SUGCT: variants seen among roughly 807,000 people sequenced by gnomAD.
SUGCT encodes the protein succinyl-CoA:glutarate-CoA transferase, also known as succinyl-CoA:glutarate CoA-transferase.
Under a neutral mutation model 55.0 loss-of-function variants are expected in SUGCT, and 41 were observed. The ratio of observed to expected loss-of-function variants is 0.74; its 90% CI spans 0.58 to 0.97. The LOEUF is 0.97. SUGCT is among the 50% of genes least tolerant of loss of function. SUGCT has a pLI of 0.00. For missense variants in SUGCT, 568 were observed against 547.8 expected, an observed-to-expected ratio of 1.04 and a Z score of -0.37; for synonymous variants, 187 against 200.4, an observed-to-expected ratio of 0.93 and a Z score of 0.56.
chr7:40,467,204 G>GAAAAAAAAAAAAAAAAAAAAAAAAAAAA (rs762283927), intron 11 of SUGCT, among the ~76,000 whole-genome samples: 1 of 83,622 alleles, frequency 1.2e-5, no homozygotes, highest in African/African-American at 4.3e-5. Context: ...CTAAGAAAAA[G>GAAAAAAAAAAAAAAAAAAAAAAAAAAAA]AAAAAAAAAA....
intron 8 of SUGCT, among the ~76,000 whole-genome samples, chr7:40,282,382 C>T (rs183349708): frequency 5.2e-4 from 79 of 152,036 alleles, no homozygotes; most frequent in African/African-American, 1.6e-3. Flanking sequence ...GCACAAGAAT[C>T]GCTTGAACCC....
At chr7:40,296,102 G>C (rs1794128065) in intron 8 of SUGCT, among the ~76,000 whole-genome samples, 1 of 152,172 alleles carries the variant, frequency 6.6e-6, no homozygotes, top group South Asian at 2.1e-4. Context: ...TAGTTTGGAT[G>C]CCTTAAGTTA....
intron 1 of SUGCT, among the ~76,000 whole-genome samples, chr7:40,139,172 A>AATC (rs1562788711): frequency 3.3e-4 from 45 of 135,774 alleles, no homozygotes; most frequent in Middle Eastern, 3.8e-3. Context: ...ATAAATAAAT[A>AATC]AATAAATCCA....
intron 6 of SUGCT, among the ~76,000 whole-genome samples, chr7:40,218,881 G>A (rs867105569): frequency 2.0e-5 from 3 of 152,176 alleles, no homozygotes; most frequent in African/African-American, 7.2e-5. Context: ...GCAGCATGTG[G>A]GTGGGGCCAA....
intron 12 of SUGCT, among the ~76,000 whole-genome samples, chr7:40,682,968 T>C (rs147945166): frequency 1.4e-3 from 217 of 152,326 alleles, no homozygotes; most frequent in African/African-American, 5.1e-3. Context: ...TTTGTTGCTG[T>C]TCTTTCACAA....
At chr7:40,768,733 T>G (rs1244300210) in intron 13 of SUGCT, among the ~76,000 whole-genome samples, 1 of 152,252 alleles carries the variant, frequency 6.6e-6, no homozygotes, top group Non-Finnish European at 1.5e-5. Context: ...TTTCGTATCA[T>G]GGTTGATGCT....
At chr7:40,662,967 C>T (rs1056920445) in intron 12 of SUGCT, among the ~76,000 whole-genome samples, 2 of 152,086 alleles carry the variant, frequency 1.3e-5, no homozygotes, top group South Asian at 2.1e-4. Flanking sequence ...GACTAACTCT[C>T]GTAATTTCAG....
At chr7:40,821,763 C>T (rs1338175371) in intron 13 of SUGCT, among the ~76,000 whole-genome samples, 2 of 152,134 alleles carry the variant, frequency 1.3e-5, no homozygotes, top group Non-Finnish European at 2.9e-5. Context: ...GTCTCTATCT[C>T]CTTCAGTTCT....
chr7:40,822,359 T>C (rs1265479996), intron 13 of SUGCT, among the ~76,000 whole-genome samples: 4 of 152,124 alleles, frequency 2.6e-5, no homozygotes, highest in East Asian at 1.9e-4. Context: ...ATATTGACAG[T>C]GGGGTGTTAA....
In SUGCT at chr7:40,241,093, A is replaced by G. The variant is rs142103788; in HGVS notation, c.576+3367A>G. Among the ~76,000 whole-genome samples, 922 of 152,324 alleles carry G rather than the reference A, an allele frequency of 6.1e-3. 17 individuals carry two copies. The highest frequency in any genetic ancestry group is 0.021 in the African/African-American group (878 of 41,566). ...GCTTGTGGATTTATTACCTTACTTA[A>G]TAGTTTGATGAGAAAATACATTATT... is the stretch of plus-strand genomic sequence containing the variant. On this transcript the variant is annotated intron_variant, in intron 7 of 13. Transcript: ENST00000335693.
At position 40,851,661 on chromosome 7, in the gene SUGCT, C is replaced by T. The variant is rs7806152; in HGVS notation, c.1154-8655C>T. The stretch of plus-strand genomic sequence containing the variant: ...TTCACCCACAGCCCTTGCTTAGAGA[C>T]GGGCATAACCTGTAAGCATGGCTTA... On this transcript the variant is annotated intron_variant, in intron 13 of 13. Transcript: ENST00000335693. 9.5e-3 allele frequency among the ~76,000 whole-genome samples: 1,450 copies of T among 152,262 alleles called. 21 individuals carry two copies. The highest frequency in any genetic ancestry group is 0.033 in the African/African-American group (1,364 of 41,554).
intron 9 of SUGCT, among the ~76,000 whole-genome samples, chr7:40,440,167 T>G (rs1211004016): frequency 3.5e-5 from 5 of 141,122 alleles, no homozygotes; most frequent in Admixed American, 2.1e-4. Flanking sequence ...TTTTTTTTTT[T>G]TTTTTTTTTT....
At chr7:40,544,937 A>G (rs1794909980) in intron 12 of SUGCT, among the ~76,000 whole-genome samples, 1 of 152,166 alleles carries the variant, frequency 6.6e-6, no homozygotes, top group Admixed American at 6.5e-5. Flanking sequence ...GAGGGCATGT[A>G]CTATAATTTT....
At chr7:40,178,931 T>C (rs768814526) in intron 1 of SUGCT, among the ~76,000 whole-genome samples, 1 of 152,202 alleles carries the variant, frequency 6.6e-6, no homozygotes, top group Admixed American at 6.5e-5. Context: ...TTTTCCACTT[T>C]TATTTTATTT....
At chr7:40,810,138 T>TTC (rs1206276443) in intron 13 of SUGCT, among the ~76,000 whole-genome samples, 2 of 152,078 alleles carry the variant, frequency 1.3e-5, no homozygotes, top group African/African-American at 4.8e-5. Flanking sequence ...CTTTTTTTTT[T>TTC]TCTTTGAGAC....
At chr7:40,258,544 A>G (rs1790983912) in intron 7 of SUGCT, among the ~76,000 whole-genome samples, 2 of 152,072 alleles carry the variant, frequency 1.3e-5, no homozygotes, top group East Asian at 1.9e-4. Context: ...ATCTCCAGCT[A>G]ATTATTGTGG....
At chr7:40,331,929 G>A (rs1156977099) in intron 9 of SUGCT, among the ~76,000 whole-genome samples, 5 of 152,132 alleles carry the variant, frequency 3.3e-5, no homozygotes, top group Non-Finnish European at 7.3e-5. Flanking sequence ...CTTACAGGCT[G>A]GGCCATTTAA....
At chr7:40,173,966 G>A (rs1019097156) in intron 1 of SUGCT, among the ~76,000 whole-genome samples, 2 of 147,798 alleles carry the variant, frequency 1.4e-5, no homozygotes, top group African/African-American at 2.5e-5. Context: ...TTAGAAACAG[G>A]GTCTTGCTCT....
At chr7:40,924,670 A>G in the SUGCT span, among the ~76,000 whole-genome samples, 1 of 152,258 alleles carries the variant, frequency 6.6e-6, no homozygotes. Context: ...CTAGGTATCC[A>G]TTACAAGACA....
Sources: allele counts gnomAD v4.1 joint callset (sites outside exome capture counted in the v4.1 genomes callset), GRCh38; gene constraint gnomAD v4.1.1; transcripts MANE v1.5; gene names NCBI Gene and HGNC (gene_info 2026-07-23, HGNC 2026-07-21).